Variants in HMGCS1 observed in about 807,000 individuals in gnomAD.
HMGCS1 encodes hydroxymethylglutaryl-CoA synthase, cytoplasmic.
A neutral mutation model predicts 52.3 loss-of-function variants in HMGCS1; 9 were observed. The ratio of observed to expected loss-of-function variants is 0.17; its 90% confidence interval spans 0.10 to 0.30. HMGCS1 has a LOEUF of 0.30. Among genes scored for constraint, HMGCS1 ranks in the 10% least tolerant of loss-of-function variants. HMGCS1 has a pLI of 1.00. For missense variants in HMGCS1, 320 were observed against 620.9 expected (o/e 0.52, Z 5.15); for synonymous variants, 176 against 214.4 (o/e 0.82, Z 1.57).
At chr5:43,292,381 C>T in intron 10 of HMGCS1, 93 bp downstream of exon 10, 1 of 896,464 alleles carries the variant, frequency 1.1e-6, no homozygotes, top group East Asian at 2.5e-5. Flanking sequence ...TCCCAGAGCC[C>T]TTACTCTTCT....
intron 2 of HMGCS1, among the ~76,000 whole-genome samples, chr5:43,306,591 T>C (rs139199393): frequency 1.6e-3 from 251 of 152,360 alleles, no homozygotes; most frequent in African/African-American, 5.7e-3. Flanking sequence ...AAATGCTCAT[T>C]GGAACATTTT....
chr5:43,301,892 TTTTATGA>T (rs1754336650), intron 2 of HMGCS1, among the ~76,000 whole-genome samples: 1 of 152,188 alleles, frequency 6.6e-6, no homozygotes, highest in African/African-American at 2.4e-5. Flanking sequence ...TCCTCAAGTG[TTTTATGA>T]CTTGACAAGC....
At position 43,291,091 on chromosome 5, in the gene HMGCS1, T is replaced by TCCCCCCCCCCCCA; in HGVS notation, c.*39_*40insTGGGGGGGGGGGG. On this transcript the variant is annotated 3_prime_UTR_variant, in exon 11 of 11. Transcript: ENST00000325110. ...CAACTGTTCCCATACCCCCACCCCA[T>TCCCCCCCCCCCCA]GCCCACCCCACCCTGAAGTCTTGCA... 1 of 541,858 alleles carries TCCCCCCCCCCCCA rather than the reference T, an allele frequency of 1.8e-6. No homozygotes were observed. The highest frequency in any genetic ancestry group is 4.3e-5 in the East Asian group (1 of 23,232). The allele number at this position is 541,858 out of a possible 1,614,324, so 33.6% of individuals were successfully genotyped here.
At chr5:43,307,149 C>A (rs1482456044) in intron 2 of HMGCS1, among the ~76,000 whole-genome samples, 2 of 149,962 alleles carry the variant, frequency 1.3e-5, no homozygotes, top group Non-Finnish European at 2.9e-5. Context: ...CAGCTCACTG[C>A]AACCTCCGAC....
intron 1 of HMGCS1, among the ~76,000 whole-genome samples, chr5:43,311,403 C>T (rs1006030294): frequency 6.6e-6 from 1 of 151,734 alleles, no homozygotes; most frequent in African/African-American, 2.4e-5. Flanking sequence ...ATACTACCTT[C>T]TTGAAAAACA....
Position 43,298,684 on chromosome 5 carries a change from T to C in HMGCS1, c.282A>G (p.Thr94=), listed in dbSNP as rs1561116624. Residue 94 remains threonine, a synonymous_variant, in exon 3 of 11, where the codon ACA becomes ACG. Coordinates refer to ENST00000325110, the MANE Select transcript of HMGCS1 (RefSeq NM_001098272.3). The surrounding 1 kb of genome is among the most constrained non-coding windows in gnomAD (Gnocchi z 5.6). The part of the protein sequence containing the change: ...YDCIGRLEVG[T]ETIIDKSKSV... ...ACTTTGATTTGTCGATGATTGTCTC[T>C]GTTCCAACTTCCAGCCGCCCAATGC... 6.2e-7 allele frequency: 1 copy of C among 1,614,260 alleles called. No homozygotes were observed. The highest frequency in any genetic ancestry group is 8.5e-7 in the Non-Finnish European group (1 of 1,180,042).
chr5:43,292,736 T>C, intron 9 of HMGCS1, 99 bp from the exon 10 acceptor site: 5 of 1,492,756 alleles, frequency 3.3e-6, no homozygotes, highest in Non-Finnish European at 4.6e-6. Context: ...TAATTTTCAC[T>C]GACATCAGAT....
chr5:43,295,665 A>G (rs1004835786), intron 6 of HMGCS1, 87 bp downstream of exon 6: 3 of 946,296 alleles, frequency 3.2e-6, no homozygotes, highest in Non-Finnish European at 4.8e-6. Context: ...CTGACTCTCA[A>G]TTTCTCAGGT....
At position 43,290,318 on chromosome 5, in the gene HMGCS1, T is replaced by C. The variant is rs975312379; in HGVS notation, c.*813A>G. 71 of 152,632 alleles carry C rather than the reference T, an allele frequency of 4.7e-4. No individual in the cohort carries two copies. Among genetic ancestry groups the C allele is most frequent in the Non-Finnish European group, 3.1e-4 (21 of 68,014 alleles). The allele number at this position is 152,632 out of a possible 1,614,324, so 9.5% of individuals were successfully genotyped here. ...AGGACTGCAACAACAAACTCCCTCA[T>C]CCACACCTCCAATAACATCTCACTG... On this transcript the variant is annotated 3_prime_UTR_variant, in exon 11 of 11. Coordinates refer to ENST00000325110, the MANE Select transcript of HMGCS1 (RefSeq NM_001098272.3).
chr5:43,294,577 C>T (rs1753940054), intron 7 of HMGCS1, 114 bp downstream of exon 7: 1 of 684,432 alleles, frequency 1.5e-6, no homozygotes, highest in African/African-American at 1.8e-5. Flanking sequence ...TAGAGAGCCT[C>T]AAGATAAAAT....
chr5:43,313,048 G>A (rs1754955350), intron 1 of HMGCS1: 1 of 152,158 alleles, frequency 6.6e-6, no homozygotes, highest in Admixed American at 6.6e-5. Context: ...CTGCCTCTCT[G>A]GCACCTCCAA....
intron 2 of HMGCS1, among the ~76,000 whole-genome samples, chr5:43,299,974 C>T (rs1014720599): frequency 6.6e-6 from 1 of 152,180 alleles, no homozygotes; most frequent in Non-Finnish European, 1.5e-5. Context: ...AGGTGGTTCT[C>T]TGATCCCATG....
intron 5 of HMGCS1, among the ~76,000 whole-genome samples, chr5:43,296,243 T>C (rs1258651480): frequency 1.3e-5 from 2 of 152,160 alleles, no homozygotes; most frequent in African/African-American, 4.8e-5. Context: ...GCAAACTGAA[T>C]AACTTGCAGC....
intron 2 of HMGCS1, among the ~76,000 whole-genome samples, chr5:43,305,616 A>G (rs530406986): frequency 6.6e-6 from 1 of 152,020 alleles, no homozygotes; most frequent in East Asian, 1.9e-4. Context: ...CTAAAAATAC[A>G]AAAATTAGCT....
rs375829092 is a variant in HMGCS1, at chr5:43,308,053, C to T, written c.-69-229G>A. 4.4e-3 allele frequency among the ~76,000 whole-genome samples: 662 copies of T among 152,070 alleles called. 5 individuals carry two copies. The highest frequency in any genetic ancestry group is 0.015 in the African/African-American group (642 of 41,470). On this transcript the variant is annotated intron_variant, in intron 1 of 10. Transcript: ENST00000325110. ...TGAAAGGTTCAGTCCTGGTAATAAA[C>T]GGATATAAGAAGCCTACTATTGCAG...
At chr5:43,292,721 C>A in intron 9 of HMGCS1, 84 bp from the exon 10 acceptor site, 1 of 1,501,622 alleles carries the variant, frequency 6.7e-7, no homozygotes, top group Non-Finnish European at 9.2e-7. Context: ...TTTCATATAT[C>A]CCAATAATTT....
rs1408653523 is a variant in HMGCS1, at chr5:43,289,627, A to T, written c.*1504T>A. The T allele has an allele frequency of 6.6e-6, 1 of 152,584 alleles. No homozygotes were observed. Among genetic ancestry groups the T allele is most frequent in the Non-Finnish European group, 1.5e-5 (1 of 68,020 alleles). The allele number at this position is 152,584 out of a possible 1,614,324, so 9.5% of individuals were successfully genotyped here. On this transcript the variant is annotated 3_prime_UTR_variant, in exon 11 of 11. Transcript: ENST00000325110. ...TTTTGCCACCATTCTTTAAATCAGA[A>T]CTTACATTATTAATCTACATCAGTG...
Position 43,291,089 on chromosome 5 carries a change from C to CCAG in HMGCS1, c.*41_*42insCTG. On this transcript the variant is annotated 3_prime_UTR_variant, in exon 11 of 11. Coordinates refer to ENST00000325110, the MANE Select transcript of HMGCS1 (RefSeq NM_001098272.3). ...TCCAACTGTTCCCATACCCCCACCCCATGCCCACCCCACCCTGAAGTCTTG... is the reference window on the plus strand; with the variant it reads ...TCCAACTGTTCCCATACCCCCACCCCCAGATGCCCACCCCACCCTGAAGTCTTG... 5.1e-6 allele frequency: 4 copies of CCAG among 782,298 alleles called. No homozygotes were observed. Among genetic ancestry groups the CCAG allele is most frequent in the Non-Finnish European group, 7.0e-6 (3 of 430,314 alleles). The allele number at this position is 782,298 out of a possible 1,614,324, so 48.5% of individuals were successfully genotyped here.
chr5:43,298,853 T>A lies in HMGCS1; in HGVS notation c.113A>T (p.Lys38Ile), dbSNP rs1446464758. Residue 38 changes from lysine (K) to isoleucine (I), a missense_variant, in exon 3 of 11, where the codon AAA becomes ATA. Coordinates refer to ENST00000325110, the MANE Select transcript of HMGCS1 (RefSeq NM_001098272.3). The surrounding 1 kb of genome is among the most constrained non-coding windows in gnomAD (Gnocchi z 5.6). ...CTTTCCAGCATCTACACCATCATAT[T>A]TTTCCAACTCTGCTTGATCAACATA... is the stretch of plus-strand genomic sequence containing the variant. ...SQYVDQAELEKYDGVDAGKYT... is the reference protein window; with the variant it reads ...SQYVDQAELEIYDGVDAGKYT... The A allele has an allele frequency of 6.2e-7, 1 of 1,614,202 alleles. No individual in the cohort carries two copies. The highest frequency in any genetic ancestry group is 1.6e-4 in the Middle Eastern group (1 of 6,062).
Sources: allele counts gnomAD v4.1 joint callset (sites outside exome capture counted in the v4.1 genomes callset), GRCh38; gene constraint gnomAD v4.1.1; non-coding constraint Gnocchi (gnomAD v3.1); transcripts MANE v1.5; gene names NCBI Gene and HGNC (gene_info 2026-07-23, HGNC 2026-07-21).